GPC3: variants seen among roughly 807,000 people sequenced by gnomAD.
The protein encoded by GPC3 is glypican-3.
GPC3 carries 3 observed loss-of-function variants against 34.4 expected under a neutral mutation model. The observed-to-expected ratio is 0.09, with a 90% CI of 0.04 to 0.23. GPC3 has a LOEUF of 0.23. GPC3 is among the 10% of genes least tolerant of loss of function. The pLI, the probability that GPC3 is intolerant of heterozygous loss-of-function variation, is 1.00. For missense variants in GPC3, 351 were observed against 445.6 expected (o/e 0.79, Z 1.91); for synonymous variants, 177 against 174.0 (o/e 1.02, Z -0.13).
intron 1 of GPC3, among the ~76,000 whole-genome samples, chrX:133,969,163 C>T (rs976262625): frequency 9.0e-6 from 1 of 110,984 alleles, no homozygotes; most frequent in African/African-American, 3.3e-5. Context: ...ATGCACAGGA[C>T]TTTATTACCA....
chrX:133,766,918 A>C lies in GPC3; in HGVS notation c.338-12742T>G, dbSNP rs183117877. Among the ~76,000 whole-genome samples the C allele has an allele frequency of 4.4e-5, 5 of 112,445 alleles. No individual in the cohort carries two copies. In the South Asian group the frequency reaches 1.9e-3, roughly 42 times the overall value. ...GTGTTTCAAGCGTTTTATGTGAATT[A>C]ATTTATGTAATTATCAGAACCACCC... On this transcript the variant is annotated intron_variant, in intron 2 of 7. Transcript: ENST00000370818.
intron 6 of GPC3, among the ~76,000 whole-genome samples, chrX:133,638,160 G>A (rs2070446834): frequency 9.0e-6 from 1 of 111,728 alleles, no homozygotes; most frequent in African/African-American, 3.3e-5. Context: ...CTTTACAAAA[G>A]CAAAGAATGA....
chrX:133,866,090 T>C (rs1160290788), intron 2 of GPC3, among the ~76,000 whole-genome samples: 1 of 111,126 alleles, frequency 9.0e-6, no homozygotes, highest in Non-Finnish European at 1.9e-5. Context: ...CCTTCCTCTA[T>C]GTGAGCAATA....
At chrX:133,917,707 T>C (rs1316377851) in intron 2 of GPC3, among the ~76,000 whole-genome samples, 4 of 112,047 alleles carry the variant, frequency 3.6e-5, no homozygotes, top group African/African-American at 1.3e-4. Context: ...AAAGGGAAGA[T>C]ATTTTTTTAA....
intron 2 of GPC3, among the ~76,000 whole-genome samples, chrX:133,804,261 C>T (rs1042758689): frequency 1.8e-5 from 2 of 111,455 alleles, no homozygotes; most frequent in African/African-American, 6.5e-5. Context: ...TGAGCCAATG[C>T]GCTAACCTGG....
intron 6 of GPC3, among the ~76,000 whole-genome samples, chrX:133,654,711 C>CA (rs200711396): frequency 0.035 from 3,374 of 95,277 alleles, 190 homozygotes; most frequent in African/African-American, 0.16. Flanking sequence ...GACTCCGTCT[C>CA]AAAAAACAAA....
intron 2 of GPC3, among the ~76,000 whole-genome samples, chrX:133,925,928 T>C (rs1217248552): frequency 9.0e-6 from 1 of 111,248 alleles, no homozygotes; most frequent in Non-Finnish European, 1.9e-5. Flanking sequence ...CCAACAAACA[T>C]AAGAACTAGC....
chrX:133,968,827 A>G (rs974666847), intron 1 of GPC3, among the ~76,000 whole-genome samples: 5 of 109,337 alleles, frequency 4.6e-5, no homozygotes, highest in African/African-American at 1.7e-4. Flanking sequence ...GAGAAAAAGG[A>G]TAGAATAGGG....
Position 133,572,557 on chromosome X carries a change from C to T in GPC3, c.1573+23883G>A, listed in dbSNP as rs143384636. Among the ~76,000 whole-genome samples, 735 of 111,031 alleles carry T rather than the reference C, an allele frequency of 6.6e-3. 6 individuals carry two copies. The highest frequency in any genetic ancestry group is 0.028 in the Middle Eastern group (6 of 216). ...TGAAAAGATCTACAAAATTGACCAA[C>T]CTATAGCAAGACTGCATAAGAAAAA... On this transcript the variant is annotated intron_variant, in intron 7 of 7. Coordinates refer to ENST00000370818, the MANE Select transcript of GPC3 (RefSeq NM_004484.4).
At chrX:133,568,628 C>T (rs1403253017) in intron 7 of GPC3, among the ~76,000 whole-genome samples, 1 of 111,336 alleles carries the variant, frequency 9.0e-6, no homozygotes, top group Admixed American at 9.6e-5. Flanking sequence ...AGACAGTAAT[C>T]ACCTCTGGAT....
intron 2 of GPC3, among the ~76,000 whole-genome samples, chrX:133,842,180 G>A (rs2075828113): frequency 9.1e-6 from 1 of 109,863 alleles, no homozygotes; most frequent in Non-Finnish European, 1.9e-5. Context: ...AGCTGGGTGT[G>A]GTGATGGGCA....
chrX:133,725,802 G>T (rs748226311), intron 3 of GPC3, among the ~76,000 whole-genome samples: 1 of 111,807 alleles, frequency 8.9e-6, no homozygotes, highest in Non-Finnish European at 1.9e-5. Context: ...TACAACTAGG[G>T]CGCAGGTACT....
chrX:133,652,061 T>C (rs2070609411), intron 6 of GPC3, among the ~76,000 whole-genome samples: 1 of 112,239 alleles, frequency 8.9e-6, no homozygotes. Flanking sequence ...GAATCTAATC[T>C]AGAATTTCAT....
intron 2 of GPC3, among the ~76,000 whole-genome samples, chrX:133,902,972 C>A (rs942508447): frequency 9.0e-6 from 1 of 110,833 alleles, no homozygotes; most frequent in East Asian, 2.8e-4. Flanking sequence ...AGGCCGGGTG[C>A]GGTAGCCCAT....
intron 4 of GPC3, among the ~76,000 whole-genome samples, chrX:133,698,855 G>A (rs1347305225): frequency 8.9e-6 from 1 of 111,981 alleles, no homozygotes; most frequent in African/African-American, 3.2e-5. Flanking sequence ...GGGTTACAAT[G>A]CCTATTTGAG....
chrX:133,794,135 C>A (rs936539986), intron 2 of GPC3, among the ~76,000 whole-genome samples: 1 of 112,191 alleles, frequency 8.9e-6, no homozygotes, highest in Non-Finnish European at 1.9e-5. Context: ...ACAAGACGTG[C>A]AAAAGGCTGA....
chrX:133,863,603 A>G (rs2075949350), intron 2 of GPC3, among the ~76,000 whole-genome samples: 1 of 91,777 alleles, frequency 1.1e-5, no homozygotes, highest in Non-Finnish European at 2.0e-5. Flanking sequence ...ACCAACATCA[A>G]CACACACACA....
At chrX:133,800,621 G>A (rs781119548) in intron 2 of GPC3, among the ~76,000 whole-genome samples, 1 of 112,289 alleles carries the variant, frequency 8.9e-6, no homozygotes, top group Admixed American at 9.4e-5. Flanking sequence ...AAGAAACAAA[G>A]CACATGTGAA....
intron 2 of GPC3, among the ~76,000 whole-genome samples, chrX:133,788,088 TTATATATA>T (rs56318773): frequency 0.024 from 1,533 of 64,835 alleles, 29 homozygotes; most frequent in South Asian, 0.052. Context: ...TCATATTATT[TTATATATA>T]TATATATATA....
Sources: allele counts gnomAD v4.1 joint callset (sites outside exome capture counted in the v4.1 genomes callset), GRCh38; gene constraint gnomAD v4.1.1; transcripts MANE v1.5; gene names NCBI Gene and HGNC (gene_info 2026-07-23, HGNC 2026-07-21).